Variants in SPAG17 observed in about 807,000 individuals in gnomAD.
SPAG17 encodes the protein sperm-associated antigen 17.
Under a neutral mutation model 273.6 loss-of-function variants are expected in SPAG17, and 169 were observed. The ratio of observed to expected loss-of-function variants is 0.62; its 90% CI spans 0.55 to 0.70. SPAG17 has a LOEUF of 0.70. Ranked by LOEUF, SPAG17 falls within the 30% of genes least tolerant of loss-of-function variation. The pLI is 0.00. For missense variants in SPAG17, 2,557 were observed against 2,627.8 expected, an observed-to-expected ratio of 0.97 and a Z score of 0.59; for synonymous variants, 825 against 873.2, an observed-to-expected ratio of 0.94 and a Z score of 0.97.
chr1:118,006,270 C>T (rs1557896934), intron 31 of SPAG17, among the ~76,000 whole-genome samples: 1 of 152,214 alleles, frequency 6.6e-6, no homozygotes, highest in Non-Finnish European at 1.5e-5. Context: ...GATCACTAGG[C>T]CTTAGGCCCT....
At chr1:118,147,205 T>C (rs1659055264) in intron 3 of SPAG17, among the ~76,000 whole-genome samples, 1 of 152,216 alleles carries the variant, frequency 6.6e-6, no homozygotes, top group Non-Finnish European at 1.5e-5. Context: ...GTCTTTATAA[T>C]ATTAATATTC....
chr1:118,165,732 G>A (rs1357703926), intron 1 of SPAG17, among the ~76,000 whole-genome samples: 1 of 134,862 alleles, frequency 7.4e-6, no homozygotes, highest in East Asian at 2.2e-4. Flanking sequence ...TGCAAGCTCC[G>A]CCTCCCGGGT....
intron 15 of SPAG17, among the ~76,000 whole-genome samples, chr1:118,077,523 T>A (rs1366820347): frequency 1.3e-5 from 2 of 151,986 alleles, no homozygotes; most frequent in Non-Finnish European, 2.9e-5. Context: ...AGGAAAACTA[T>A]CCAGCTGCTT....
chr1:118,077,801 T>C (rs1038245266), intron 15 of SPAG17, among the ~76,000 whole-genome samples: 1 of 152,080 alleles, frequency 6.6e-6, no homozygotes, highest in Non-Finnish European at 1.5e-5. Context: ...AAAATCAGCA[T>C]AAAAATCACC....
chr1:117,964,197 A>T, intron 47 of SPAG17: 7 of 263,998 alleles, frequency 2.7e-5, no homozygotes, highest in South Asian at 7.6e-5. Context: ...AGCCATCAGT[A>T]TGGTCAAGCC....
intron 3 of SPAG17, 128 bp from the exon 4 acceptor site, chr1:118,115,569 G>GAA: frequency 2.6e-5 from 23 of 871,800 alleles, no homozygotes; most frequent in East Asian, 3.3e-5. Context: ...ATTGCTGGCT[G>GAA]AAAAAAAAAA....
intron 42 of SPAG17, 25 bp from the exon 43 acceptor site, chr1:117,981,426 T>C: frequency 6.3e-7 from 1 of 1,579,274 alleles, no homozygotes; most frequent in South Asian, 1.2e-5. Context: ...ATGAACCTTA[T>C]AAAGTGATAT....
chr1:118,120,450 A>G (rs1168844473), intron 3 of SPAG17, among the ~76,000 whole-genome samples: 1 of 152,206 alleles, frequency 6.6e-6, no homozygotes, highest in East Asian at 1.9e-4. Context: ...TAATCATCCT[A>G]TCACTCTATC....
intron 10 of SPAG17, among the ~76,000 whole-genome samples, chr1:118,091,398 T>C (rs1422410828): frequency 1.3e-5 from 2 of 152,194 alleles, no homozygotes; most frequent in Non-Finnish European, 2.9e-5. Flanking sequence ...GAATGTTACA[T>C]AAATGGCTTC....
chr1:117,958,828 T>G, intron 48 of SPAG17: 2 of 925,124 alleles, frequency 2.2e-6, no homozygotes, highest in Non-Finnish European at 3.3e-6. Flanking sequence ...TGCTTTGATA[T>G]TGTGTCTGTT....
chr1:117,979,354 A>G (rs900366538), intron 43 of SPAG17, among the ~76,000 whole-genome samples: 6 of 152,094 alleles, frequency 3.9e-5, no homozygotes, highest in African/African-American at 9.7e-5. Flanking sequence ...ATCATCCTTG[A>G]TTCCTCTTTT....
intron 38 of SPAG17, among the ~76,000 whole-genome samples, chr1:117,989,349 A>C (rs1307560842): frequency 6.6e-6 from 1 of 152,072 alleles, no homozygotes; most frequent in Non-Finnish European, 1.5e-5. Context: ...AAATGGGGGA[A>C]GGGGAGCCGG....
At chr1:118,178,603 A>C (rs1660803037) in intron 1 of SPAG17, among the ~76,000 whole-genome samples, 1 of 152,098 alleles carries the variant, frequency 6.6e-6, no homozygotes. Context: ...TAGGCAAGAG[A>C]TAGAGATGAA....
intron 3 of SPAG17, among the ~76,000 whole-genome samples, chr1:118,145,481 T>C (rs571984543): frequency 6.6e-6 from 1 of 152,284 alleles, no homozygotes; most frequent in Non-Finnish European, 1.5e-5. Context: ...ACTAGCATAG[T>C]GTCTTAAAGT....
intron 15 of SPAG17, 58 bp from the exon 16 acceptor site, chr1:118,074,658 G>A: frequency 6.9e-7 from 1 of 1,451,356 alleles, no homozygotes; most frequent in East Asian, 2.3e-5. Context: ...TGCCCTGCTG[G>A]TTAATGCTGT....
At chr1:118,131,755 C>T (rs1322573379) in intron 3 of SPAG17, among the ~76,000 whole-genome samples, 1 of 152,174 alleles carries the variant, frequency 6.6e-6, no homozygotes, top group Admixed American at 6.5e-5. Flanking sequence ...TCTGAGGTAA[C>T]TGTGGTCCCC....
intron 3 of SPAG17, among the ~76,000 whole-genome samples, chr1:118,126,941 G>A (rs1028571330): frequency 6.6e-6 from 1 of 152,130 alleles, no homozygotes; most frequent in Non-Finnish European, 1.5e-5. Flanking sequence ...TATTGAAGAA[G>A]TTTCCTTTCC....
At chr1:117,958,163 G>T (rs1021349363) in intron 48 of SPAG17, among the ~76,000 whole-genome samples, 11 of 152,152 alleles carry the variant, frequency 7.2e-5, no homozygotes, top group Non-Finnish European at 1.5e-4. Flanking sequence ...ACAGGTATAT[G>T]TAGTGAACTG....
chr1:117,990,686 T>C (rs934978467), intron 38 of SPAG17, among the ~76,000 whole-genome samples, 175 bp downstream of exon 38: 1 of 152,106 alleles, frequency 6.6e-6, no homozygotes, highest in Non-Finnish European at 1.5e-5. Context: ...GGCAGAACAA[T>C]ACAGGCAGAA....
Sources: gnomAD v4.1 joint callset for allele counts (sites outside exome capture counted in the v4.1 genomes callset) on GRCh38, gnomAD v4.1.1 for gene constraint, MANE v1.5 for transcripts, NCBI Gene and HGNC (gene_info 2026-07-23, HGNC 2026-07-21) for gene names.